Variants in ZNF718 observed in about 807,000 individuals in gnomAD.
The protein encoded by ZNF718 is zinc finger protein 718.
Under a neutral mutation model 2.6 loss-of-function variants are expected in ZNF718, and 3 were observed. The observed-to-expected ratio is 1.16, with a 90% confidence interval of 0.53 to 3.01. The LOEUF (loss-of-function observed/expected upper bound fraction) is 3.01, where lower values mean the gene tolerates loss of function less well. Among genes scored for constraint, ZNF718 ranks in the 30% most tolerant of loss-of-function variants. ZNF718 has a pLI of 0.03. For synonymous variants in ZNF718, 135 were observed against 77.9 expected, an observed-to-expected ratio of 1.73 and a Z score of -3.86; for missense variants, 468 against 230.0, an observed-to-expected ratio of 2.03 and a Z score of -6.69.
At chr4:134,287 C>T (rs1016851695) in intron 3 of ZNF718, among the ~76,000 whole-genome samples, 9 of 152,130 alleles carry the variant, frequency 5.9e-5, no homozygotes, top group African/African-American at 9.7e-5. Context: ...GCTGGGACTA[C>T]AGGTGCCCGC....
chr4:146,782 T>TA (rs1553811457), intron 3 of ZNF718, among the ~76,000 whole-genome samples: 10 of 151,706 alleles, frequency 6.6e-5, no homozygotes, highest in Non-Finnish European at 1.5e-4. Flanking sequence ...TGTTTTTTTT[T>TA]TATATAGCTG....
chr4:194,581 C>T (rs1046479766), intron 3 of ZNF718, among the ~76,000 whole-genome samples: 1 of 152,208 alleles, frequency 6.6e-6, no homozygotes, highest in East Asian at 1.9e-4. Context: ...TGGCACTTCT[C>T]TCATTTGGGG....
rs549926638 is a variant in ZNF718 at position 143,014 on chromosome 4, T to C, written c.226+11509T>C. 9.2e-5 allele frequency among the ~76,000 whole-genome samples: 14 copies of C among 152,306 alleles called. 1 individual carries two copies. In the South Asian group the frequency reaches 2.5e-3, roughly 27 times the overall value. On this transcript the variant is annotated intron_variant, in intron 3 of 3. Coordinates refer to ENST00000510175, the MANE Select transcript of ZNF718 (RefSeq NM_001039127.6). Reference sequence around the variant, plus strand: ...GCATGCAGCCATCTCTAGGATGTCATATGGTCTCTCTTCAACTAGAATAAC... The same window carrying C: ...GCATGCAGCCATCTCTAGGATGTCACATGGTCTCTCTTCAACTAGAATAAC...
intron 3 of ZNF718, among the ~76,000 whole-genome samples, chr4:136,182 GAT>G (rs1553809285): frequency 1.3e-5 from 2 of 152,144 alleles, no homozygotes; most frequent in African/African-American, 4.8e-5. Context: ...GTCTGCGTAT[GAT>G]AGGCCAAGTA....
At chr4:173,757 C>G (rs1227295047) in intron 3 of ZNF718, among the ~76,000 whole-genome samples, 1 of 152,108 alleles carries the variant, frequency 6.6e-6, no homozygotes, top group Non-Finnish European at 1.5e-5. Context: ...GAGGGCTGAC[C>G]AAGCAGCTAG....
Position 161,704 on chromosome 4 carries a change from A to G in ZNF718, c.1019A>G (p.Lys340Arg). ...ATTCATACAGGAGAGAAACCCTACA[A>G]ATGTGAAGAATGTGGAAAATCCTTT... ...KRIHTGEKPYKCEECGKSFNR... is the reference protein window; with the variant it reads ...KRIHTGEKPYRCEECGKSFNR... Residue 340 changes from lysine (K) to arginine (R), a missense_variant, in exon 4 of 4, where the codon AAA becomes AGA. Physicochemically the swap from Lys to Arg is conservative, Grantham distance 26. Coordinates refer to ENST00000510175, the MANE Select transcript of ZNF718 (RefSeq NM_001039127.6). 1 of 778,628 alleles carries G rather than the reference A, an allele frequency of 1.3e-6. No individual in the cohort carries two copies. The highest frequency in any genetic ancestry group is 2.4e-6 in the Non-Finnish European group (1 of 416,810). 48.2% of individuals were successfully genotyped at this position (778,628 alleles called of 1,614,324 possible). A position where few individuals can be genotyped will look rare whatever the true frequency, so the allele number is the denominator to read the frequency against.
intron 3 of ZNF718, among the ~76,000 whole-genome samples, chr4:184,454 T>C (rs1717525188): frequency 6.6e-6 from 1 of 152,198 alleles, no homozygotes; most frequent in African/African-American, 2.4e-5. Context: ...ATCAATAATA[T>C]TGGCCTGAAG....
At chr4:134,552 G>A (rs1715476487) in intron 3 of ZNF718, among the ~76,000 whole-genome samples, 1 of 152,156 alleles carries the variant, frequency 6.6e-6, no homozygotes, top group South Asian at 2.1e-4. Flanking sequence ...GATCACTTAT[G>A]ATAATACGGT....
At chr4:165,432 G>A (rs1423149152), downstream of ZNF718, among the ~76,000 whole-genome samples, 1 of 152,058 alleles carries the variant, frequency 6.6e-6, no homozygotes, top group African/African-American at 2.4e-5. Context: ...AATATGAGTG[G>A]GTTGCATATT....
rs1553815347 is a variant in ZNF718, at chr4:161,757, A to C, written c.1072A>C (p.Lys358Gln). ...FNRSTTLTTH[K>Q]RIHTGEKPYT... ...TAGGTCCACAACTCTTACGACACAT[A>C]AGAGAATCCATACTGGAGAGAAACC... is the stretch of plus-strand genomic sequence containing the variant. The change falls in exon 4 of 4, where the codon AAG (lysine) becomes CAG (glutamine). Residue 358 changes from lysine to glutamine, a missense_variant. Lys to Gln is a moderately conservative substitution (Grantham distance 53, BLOSUM62 1). Transcript: ENST00000510175. 1.3e-6 allele frequency: 1 copy of C among 780,464 alleles called. No individual in the cohort carries two copies. Among genetic ancestry groups the C allele is most frequent in the East Asian group, 2.4e-5 (1 of 41,204 alleles). The allele number at this position is 780,464 out of a possible 1,614,324, so 48.3% of individuals were successfully genotyped here.
chr4:143,842 T>C (rs1437849632), intron 3 of ZNF718, among the ~76,000 whole-genome samples: 1 of 152,068 alleles, frequency 6.6e-6, no homozygotes, highest in Non-Finnish European at 1.5e-5. Context: ...GCGAGAGTAC[T>C]GTGATCCCCA....
At chr4:159,719 CTCAT>C (rs1553814489) in intron 3 of ZNF718, among the ~76,000 whole-genome samples, 1 of 152,026 alleles carries the variant, frequency 6.6e-6, no homozygotes, top group Non-Finnish European at 1.5e-5. Flanking sequence ...TTCTATTTCA[CTCAT>C]TGAGCATTAT....
At chr4:135,582 G>C (rs1186556367) in intron 3 of ZNF718, among the ~76,000 whole-genome samples, 1 of 151,882 alleles carries the variant, frequency 6.6e-6, no homozygotes, top group Non-Finnish European at 1.5e-5. Flanking sequence ...ATGGGAGGCA[G>C]GTTTGCCCTA....
At chr4:147,915 T>G (rs957393773) in intron 3 of ZNF718, among the ~76,000 whole-genome samples, 4 of 152,052 alleles carry the variant, frequency 2.6e-5, no homozygotes, top group Non-Finnish European at 4.4e-5. Context: ...GATACAGTAA[T>G]GTTATCTGGT....
At chr4:135,088 A>G (rs1319658058) in intron 3 of ZNF718, among the ~76,000 whole-genome samples, 1 of 152,044 alleles carries the variant, frequency 6.6e-6, no homozygotes, top group African/African-American at 2.4e-5. Context: ...CTAAAAATAC[A>G]AAAATTAGCT....
At position 148,863 on chromosome 4, in the gene ZNF718, G is replaced by A. The variant is rs116600966; in HGVS notation, c.227-12049G>A. 7.9e-3 allele frequency among the ~76,000 whole-genome samples: 1,205 copies of A among 152,190 alleles called. 9 individuals are homozygous for A. Among genetic ancestry groups the A allele is most frequent in the Non-Finnish European group, 0.013 (856 of 68,002 alleles). ...TCTTGGCAGATGGTGATAGTGGCAG[G>A]AACAAAACCAAATGATCTATAGCTA... On this transcript the variant is annotated intron_variant, in intron 3 of 3. Transcript: ENST00000510175.
At position 161,504 on chromosome 4, in the gene ZNF718, T is replaced by G. The variant is rs377422388; in HGVS notation, c.819T>G (p.His273Gln). Reference protein sequence around the residue: ...AFNQSSTLNLHKRIHSAQKYY... With the variant: ...AFNQSSTLNLQKRIHSAQKYY... ...ACCAATCCTCAACCCTTAATTTACATAAGAGAATTCATTCTGCACAAAAAT... is the reference window on the plus strand; with the variant it reads ...ACCAATCCTCAACCCTTAATTTACAGAAGAGAATTCATTCTGCACAAAAAT... The change falls in exon 4 of 4, where the codon CAT (histidine) becomes CAG (glutamine). Residue 273 changes from histidine (H) to glutamine (Q), a missense_variant. His to Gln is a conservative substitution (Grantham distance 24, BLOSUM62 0). Transcript: ENST00000510175. 6.0e-5 allele frequency: 47 copies of G among 780,278 alleles called. No homozygotes were observed. The highest frequency in any genetic ancestry group is 1.0e-4 in the Non-Finnish European group (42 of 417,872). 48.3% of individuals were successfully genotyped at this position (780,278 alleles called of 1,614,324 possible).
rs782447967 is a variant in ZNF718 at position 161,010 on chromosome 4, G to A, written c.325G>A (p.Glu109Lys). ...AAAAGGACATGAGAAACGTGGACAT[G>A]AGAATTTAAGAAAAACTTGTAAAAG... ...IPKGHEKRGH[E>K]NLRKTCKSIN... The change falls in exon 4 of 4, where the codon GAG becomes AAG. Residue 109 changes from glutamate (E) to lysine (K), a missense_variant. Physicochemically the swap from Glu to Lys is moderately conservative, Grantham distance 56. Transcript: ENST00000510175. 1 of 780,922 alleles carries A rather than the reference G, an allele frequency of 1.3e-6. No homozygotes were observed. The highest frequency in any genetic ancestry group is 1.7e-5 in the Admixed American group (1 of 59,016). 48.4% of individuals were successfully genotyped at this position (780,922 alleles called of 1,614,324 possible). A position where few individuals can be genotyped will look rare whatever the true frequency, so the allele number is the denominator to read the frequency against.
chr4:143,977 C>T (rs1164185761), intron 3 of ZNF718, among the ~76,000 whole-genome samples: 1 of 152,108 alleles, frequency 6.6e-6, no homozygotes, highest in African/African-American at 2.4e-5. Context: ...GGCAGGAAAA[C>T]GGTCTGGAGG....
Sources: allele counts gnomAD v4.1 joint callset (sites outside exome capture counted in the v4.1 genomes callset), GRCh38; gene constraint gnomAD v4.1.1; transcripts MANE v1.5; gene names NCBI Gene and HGNC (gene_info 2026-07-23, HGNC 2026-07-21).